Variants in EHMT1 observed in about 807,000 individuals in gnomAD.
The protein encoded by EHMT1 is histone-lysine N-methyltransferase EHMT1.
In EHMT1, 15 loss-of-function variants were observed where a neutral mutation model predicts 147.2. The observed-to-expected ratio is 0.10, with a 90% CI of 0.07 to 0.16. The LOEUF (loss-of-function observed/expected upper bound fraction) is 0.16, where lower values mean the gene tolerates loss of function less well. Among genes scored for constraint, EHMT1 ranks in the 10% least tolerant of loss-of-function variants. The pLI is 1.00. For synonymous variants in EHMT1, 795 were observed against 709.6 expected, an observed-to-expected ratio of 1.12 and a Z score of -1.91; for missense variants, 1,587 against 1,772.4, an observed-to-expected ratio of 0.90 and a Z score of 1.88.
At chr9:137,770,545 A>G (rs139871599) in intron 10 of EHMT1, among the ~76,000 whole-genome samples, 2 of 152,312 alleles carry the variant, frequency 1.3e-5, no homozygotes, top group African/African-American at 4.8e-5. Context: ...TGGGGGGAAG[A>G]AGGGGCTGCC....
At chr9:137,817,715 C>G (rs372143484) in intron 24 of EHMT1, 190 bp downstream of exon 24, 3 of 716,918 alleles carry the variant, frequency 4.2e-6, no homozygotes, top group South Asian at 1.7e-5. Context: ...TGCTGCTGCC[C>G]GTAACCAGCC....
chr9:137,725,948 C>A (rs1451555812), intron 3 of EHMT1, among the ~76,000 whole-genome samples: 1 of 152,150 alleles, frequency 6.6e-6, no homozygotes, highest in Non-Finnish European at 1.5e-5. Flanking sequence ...GTAACCTCCA[C>A]AAGCACCTCC....
intron 14 of EHMT1, among the ~76,000 whole-genome samples, chr9:137,780,832 C>T (rs377302510): frequency 2.3e-4 from 13 of 57,236 alleles, no homozygotes; most frequent in South Asian, 9.9e-4. Flanking sequence ...GTGATGACGC[C>T]GAGACGTGTG....
intron 1 of EHMT1, chr9:137,619,965 A>G (rs1224311411): frequency 6.6e-6 from 1 of 152,202 alleles, no homozygotes; most frequent in Non-Finnish European, 1.5e-5. Flanking sequence ...TTTGAAATTA[A>G]CTGTCTAGTA....
intron 1 of EHMT1, among the ~76,000 whole-genome samples, chr9:137,669,758 G>T (rs117289101): frequency 2.1e-3 from 312 of 151,630 alleles, no homozygotes; most frequent in Non-Finnish European, 3.8e-3. Flanking sequence ...TCCTTATGTT[G>T]TCCAGGCTGT....
At chr9:137,645,534 A>G (rs1255114786) in intron 1 of EHMT1, among the ~76,000 whole-genome samples, 1 of 152,204 alleles carries the variant, frequency 6.6e-6, no homozygotes, top group African/African-American at 2.4e-5. Flanking sequence ...ACAATTACAC[A>G]CTTTGGTAAT....
intron 16 of EHMT1, among the ~76,000 whole-genome samples, chr9:137,796,310 C>T (rs374644898): frequency 6.6e-6 from 1 of 152,346 alleles, no homozygotes; most frequent in East Asian, 1.9e-4. Context: ...TTAAGAATTT[C>T]TCTTCAAAAA....
chr9:137,810,566 G>A (rs997252595), intron 18 of EHMT1, among the ~76,000 whole-genome samples: 1 of 151,942 alleles, frequency 6.6e-6, no homozygotes, highest in African/African-American at 2.4e-5. Flanking sequence ...CTTCTCCTTT[G>A]CACATATTTT....
intron 6 of EHMT1, chr9:137,745,871 C>A: frequency 4.1e-6 from 1 of 243,046 alleles, no homozygotes. Flanking sequence ...CCTCACCTTC[C>A]CCAGCAGGGC....
intron 1 of EHMT1, among the ~76,000 whole-genome samples, chr9:137,644,807 G>A (rs1194519334): frequency 7.9e-5 from 12 of 152,032 alleles, no homozygotes; most frequent in Admixed American, 5.9e-4. Flanking sequence ...TTAATTATTG[G>A]TCTTTTGGTT....
rs1378177998 is a variant in EHMT1, at chr9:137,782,527, C to T, written c.2382+130C>T. The stretch of plus-strand genomic sequence containing the variant: ...TAGTGCTGTGAATCGGGCACAGAGT[C>T]AGCTTTTCTGCCCCCGAGTCCTGCA... On this transcript the variant is annotated intron_variant, in intron 15 of 26. Coordinates refer to ENST00000460843, the MANE Select transcript of EHMT1 (RefSeq NM_024757.5). The surrounding 1 kb of genome is among the most constrained non-coding windows in gnomAD (Gnocchi z 5.7). 1 of 870,288 alleles carries T rather than the reference C, an allele frequency of 1.1e-6. No individual in the cohort carries two copies. The highest frequency in any genetic ancestry group is 1.7e-5 in the African/African-American group (1 of 60,072). The allele number at this position is 870,288 out of a possible 1,614,324, so 53.9% of individuals were successfully genotyped here.
chr9:137,621,877 C>CT (rs2133424465), intron 1 of EHMT1, among the ~76,000 whole-genome samples: 1 of 150,850 alleles, frequency 6.6e-6, no homozygotes, highest in Non-Finnish European at 1.5e-5. Flanking sequence ...CAGGCACGTG[C>CT]GCATAATTTA....
intron 15 of EHMT1, among the ~76,000 whole-genome samples, chr9:137,783,757 C>T (rs536651059): frequency 1.4e-4 from 21 of 152,320 alleles, no homozygotes; most frequent in African/African-American, 3.8e-4. Flanking sequence ...CGGGGCGCAC[C>T]GTCTGCTGTG....
rs62590785 is a variant in EHMT1 at position 137,819,810 on chromosome 9, C to T, written c.3540+1672C>T. Among the ~76,000 whole-genome samples the T allele has an allele frequency of 8.8e-3, 1,337 of 152,028 alleles. 16 individuals carry two copies. The highest frequency in any genetic ancestry group is 0.016 in the South Asian group (78 of 4,774). On this transcript the variant is annotated intron_variant, in intron 25 of 26. Coordinates refer to ENST00000460843, the MANE Select transcript of EHMT1 (RefSeq NM_024757.5). Reference sequence around the variant, plus strand: ...GCCCACCCAATCCCCACTGCCCAGGCGCTAGAATCTTGTGTGGGAGAGAGC... The same window carrying T: ...GCCCACCCAATCCCCACTGCCCAGGTGCTAGAATCTTGTGTGGGAGAGAGC...
intron 1 of EHMT1, among the ~76,000 whole-genome samples, chr9:137,684,358 C>G (rs1044758446): frequency 6.6e-6 from 1 of 152,072 alleles, no homozygotes; most frequent in Non-Finnish European, 1.5e-5. Flanking sequence ...GAAATAATTT[C>G]AACTGAATAG....
intron 10 of EHMT1, among the ~76,000 whole-genome samples, chr9:137,772,941 A>G (rs1023642460): frequency 6.6e-6 from 1 of 151,830 alleles, no homozygotes; most frequent in Admixed American, 6.6e-5. Context: ...CCTTCCTTAC[A>G]TTCTCCTGCC....
Position 137,750,786 on chromosome 9 carries a change from C to T in EHMT1, c.1171-1545C>T, listed in dbSNP as rs553897373. ...GAGGGGGCGCGGCTGCCGGAGGGGA[C>T]GCTTACTCAGGAGCGCTGAGGCGGT... On this transcript the variant is annotated intron_variant, in intron 6 of 26. Coordinates refer to ENST00000460843, the MANE Select transcript of EHMT1 (RefSeq NM_024757.5). 3.3e-5 allele frequency among the ~76,000 whole-genome samples: 5 copies of T among 152,302 alleles called. No homozygotes were observed. The South Asian group carries it at 1.0e-3, about 32-fold the overall frequency.
chr9:137,744,199 G>T, intron 6 of EHMT1, 109 bp downstream of exon 6: 1 of 1,135,592 alleles, frequency 8.8e-7, no homozygotes. Context: ...AAAATCCCCT[G>T]TTTACAATTG....
In EHMT1 at chr9:137,693,307, T is replaced by C. The variant is rs149357332; in HGVS notation, c.22-17660T>C. Reference sequence around the variant, plus strand: ...ACACTTTAATTTTATATTTATTAAATATATTGAATAATATTAGAGCTGATA... The same window carrying C: ...ACACTTTAATTTTATATTTATTAAACATATTGAATAATATTAGAGCTGATA... On this transcript the variant is annotated intron_variant, in intron 1 of 26. Coordinates refer to ENST00000460843, the MANE Select transcript of EHMT1 (RefSeq NM_024757.5). Among the ~76,000 whole-genome samples the C allele has an allele frequency of 9.2e-5, 14 of 152,236 alleles. No individual in the cohort carries two copies. In the East Asian group the frequency reaches 2.7e-3, roughly 29 times the overall value.
Sources: gnomAD v4.1 joint callset for allele counts (sites outside exome capture counted in the v4.1 genomes callset) on GRCh38, gnomAD v4.1.1 for gene constraint, Gnocchi (gnomAD v3.1) non-coding constraint, MANE v1.5 for transcripts, NCBI Gene and HGNC (gene_info 2026-07-23, HGNC 2026-07-21) for gene names.